Variants in ABL1 observed in about 807,000 individuals in gnomAD.
ABL1 encodes tyrosine-protein kinase ABL1.
Under a neutral mutation model 94.7 loss-of-function variants are expected in ABL1, and 11 were observed. The observed-to-expected ratio is 0.12, with a 90% CI of 0.07 to 0.19. ABL1 has a LOEUF of 0.19. Ranked by LOEUF, ABL1 falls within the 10% of genes least tolerant of loss-of-function variation. The probability of loss-of-function intolerance (pLI) is 1.00; values close to 1 mark genes in which losing one functional copy is unlikely to be tolerated. For missense variants in ABL1, 1,082 were observed against 1,489.4 expected (o/e 0.73, Z 4.50); for synonymous variants, 656 against 622.4 (o/e 1.05, Z -0.80).
rs12380754 is a variant in ABL1 at position 130,868,544 on chromosome 9, G to A, written c.823-3585G>A. 8.2e-5 allele frequency among the ~76,000 whole-genome samples: 9 copies of A among 109,228 alleles called. 1 individual carries two copies. The Admixed American group carries it at 8.6e-4, about 10-fold the overall frequency. The allele number at this position is 109,228 out of a possible 152,430, so 71.7% of individuals were successfully genotyped here. A position where few individuals can be genotyped will look rare whatever the true frequency, so the allele number is the denominator to read the frequency against. ...TCTTTTTTTTTTTTTTTTTTTTTCA[G>A]ACAGAGTTTTGCCCAGTAGTTCAGG... is the stretch of plus-strand genomic sequence containing the variant. On this transcript the variant is annotated intron_variant, in intron 4 of 10. Coordinates refer to ENST00000318560, the MANE Select transcript of ABL1 (RefSeq NM_005157.6).
chr9:130,859,944 G>C (rs968885076), intron 3 of ABL1, among the ~76,000 whole-genome samples: 1 of 152,090 alleles, frequency 6.6e-6, no homozygotes, highest in Non-Finnish European at 1.5e-5. Context: ...CTCCCAAAGT[G>C]CTGGGATTAC....
At chr9:130,876,460 C>T (rs1461975472) in intron 7 of ABL1, among the ~76,000 whole-genome samples, 1 of 147,200 alleles carries the variant, frequency 6.8e-6, no homozygotes, top group East Asian at 2.0e-4. Context: ...GTACAAAGTA[C>T]AGGCTGGAGT....
intron 1 of ABL1, among the ~76,000 whole-genome samples, chr9:130,755,015 T>C (rs1333741545): frequency 6.6e-6 from 1 of 152,174 alleles, no homozygotes; most frequent in African/African-American, 2.4e-5. Flanking sequence ...TTTGGAGATA[T>C]TTGGTGGACA....
intron 1 of ABL1, among the ~76,000 whole-genome samples, chr9:130,838,930 G>T (rs561681573): frequency 1.3e-5 from 2 of 152,236 alleles, no homozygotes; most frequent in South Asian, 2.1e-4. Flanking sequence ...TGCTTTTGGA[G>T]ATAGGGTCTT....
rs949615314 is a variant in ABL1 at position 130,720,747 on chromosome 9, A to G, written c.136+6292A>G. Among the ~76,000 whole-genome samples, 3 of 152,168 alleles carry G rather than the reference A, an allele frequency of 2.0e-5. No homozygotes were observed. The South Asian group carries it at 6.2e-4, about 32-fold the overall frequency. ...GGGATTCCACGGGGGCATTGATTGC[A>G]CAGAGCCAGGTAAGAGTGATGATGC... On this transcript the variant is annotated intron_variant, in intron 1 of 10. Coordinates refer to the ABL1 transcript ENST00000372348.
intron 1 of ABL1, among the ~76,000 whole-genome samples, chr9:130,850,910 GTTTT>G (rs796763938): frequency 2.0e-5 from 3 of 151,462 alleles, no homozygotes; most frequent in East Asian, 3.9e-4. Context: ...TTTTTTGTTT[GTTTT>G]TGTTTGTTTG....
Position 130,799,393 on chromosome 9 carries a change from G to A in ABL1, c.137-54671G>A, listed in dbSNP as rs571190404. Among the ~76,000 whole-genome samples the A allele has an allele frequency of 2.0e-5, 3 of 152,292 alleles. No individual in the cohort carries two copies. The South Asian group carries it at 6.2e-4, about 32-fold the overall frequency. Reference sequence around the variant, plus strand: ...AAGAGCAAAGAGCAGGTAGAGGTTTGACAGTTTACTCCTTTAAAGTAATCC... The same window carrying A: ...AAGAGCAAAGAGCAGGTAGAGGTTTAACAGTTTACTCCTTTAAAGTAATCC... On this transcript the variant is annotated intron_variant, in intron 1 of 10. Transcript: ENST00000372348.
intron 1 of ABL1, among the ~76,000 whole-genome samples, chr9:130,745,099 AG>A (rs1831871049): frequency 2.4e-5 from 2 of 83,252 alleles, no homozygotes; most frequent in Admixed American, 1.3e-4. Flanking sequence ...TTTTTTTTTG[AG>A]GGGGGCAGAG....
chr9:130,852,364 G>A (rs530738345), intron 1 of ABL1, among the ~76,000 whole-genome samples: 11 of 152,036 alleles, frequency 7.2e-5, no homozygotes, highest in East Asian at 1.9e-4. Context: ...CACCATGCCC[G>A]GCTAGTTTTT....
chr9:130,724,689 G>T, intron 1 of ABL1: 1 of 333,656 alleles, frequency 3.0e-6, no homozygotes, highest in East Asian at 7.2e-5. Context: ...TGTAATCCCA[G>T]CTACCTGGGA....
At chr9:130,790,465 T>A (rs1829893830) in intron 1 of ABL1, among the ~76,000 whole-genome samples, 1 of 147,908 alleles carries the variant, frequency 6.8e-6, no homozygotes, top group Non-Finnish European at 1.5e-5. Flanking sequence ...TTCATTTTTA[T>A]TTTATTTATT....
At chr9:130,867,872 C>A (rs887558964) in intron 4 of ABL1, among the ~76,000 whole-genome samples, 1 of 151,600 alleles carries the variant, frequency 6.6e-6, no homozygotes, top group East Asian at 1.9e-4. Flanking sequence ...GCTTTCCTCT[C>A]GAGCTTCAAG....
intron 1 of ABL1, among the ~76,000 whole-genome samples, chr9:130,723,674 C>T (rs972677650): frequency 6.6e-6 from 1 of 152,176 alleles, no homozygotes; most frequent in Admixed American, 6.6e-5. Flanking sequence ...TCTGTAACTT[C>T]TGCCCTTGTA....
intron 1 of ABL1, among the ~76,000 whole-genome samples, chr9:130,824,776 GAACAGTTTCTCC>G (rs1175854486): frequency 6.6e-6 from 1 of 152,124 alleles, no homozygotes; most frequent in Non-Finnish European, 1.5e-5. Context: ...GCCACTTAGT[GAACAGTTTCTCC>G]AAGGTTAACT....
chr9:130,853,483 C>T (rs892894444), intron 1 of ABL1, among the ~76,000 whole-genome samples: 4 of 151,406 alleles, frequency 2.6e-5, no homozygotes, highest in Admixed American at 6.6e-5. Flanking sequence ...GGCGCAATCT[C>T]TGCTCACTGA....
upstream of ABL1, among the ~76,000 whole-genome samples, chr9:130,832,808 G>T (rs550709824): frequency 6.6e-6 from 1 of 152,262 alleles, no homozygotes; most frequent in Admixed American, 6.5e-5. Context: ...TAAGAAGATT[G>T]AAGCTCTCCT....
At chr9:130,734,000 G>T (rs1831702164) in intron 1 of ABL1, among the ~76,000 whole-genome samples, 1 of 152,044 alleles carries the variant, frequency 6.6e-6, no homozygotes, top group Non-Finnish European at 1.5e-5. Flanking sequence ...TGTTTTTAGG[G>T]TTACATTGCT....
intron 4 of ABL1, among the ~76,000 whole-genome samples, chr9:130,864,307 A>G (rs1183411645): frequency 6.6e-6 from 1 of 152,100 alleles, no homozygotes; most frequent in Admixed American, 6.6e-5. Context: ...GTGCAGTGGC[A>G]TGATCTCAGC....
At chr9:130,742,461 G>A (rs950183965) in intron 1 of ABL1, among the ~76,000 whole-genome samples, 5 of 152,142 alleles carry the variant, frequency 3.3e-5, no homozygotes, top group East Asian at 3.8e-4. Context: ...ATGATGGGCC[G>A]TGCTTAAATA....
Sources: gnomAD v4.1 joint callset for allele counts (sites outside exome capture counted in the v4.1 genomes callset) on GRCh38, gnomAD v4.1.1 for gene constraint, MANE v1.5 for transcripts, NCBI Gene and HGNC (gene_info 2026-07-23, HGNC 2026-07-21) for gene names.